TBC1D14: variants seen among roughly 807,000 people sequenced by gnomAD.
TBC1D14 encodes TBC1 domain family member 14.
Under a neutral mutation model 79.0 loss-of-function variants are expected in TBC1D14, and 26 were observed. The observed-to-expected ratio is 0.33, with a 90% confidence interval of 0.24 to 0.46. The LOEUF (loss-of-function observed/expected upper bound fraction) is 0.46, where lower values mean the gene tolerates loss of function less well. Among genes scored for constraint, TBC1D14 ranks in the 20% least tolerant of loss-of-function variants. The pLI is 1.00. For synonymous variants in TBC1D14, 394 were observed against 349.9 expected (o/e 1.13, Z -1.40); for missense variants, 769 against 887.6 (o/e 0.87, Z 1.70).
At chr4:6,969,457 G>C (rs939369790) in intron 3 of TBC1D14, among the ~76,000 whole-genome samples, 1 of 151,768 alleles carries the variant, frequency 6.6e-6, no homozygotes, top group Admixed American at 6.6e-5. Flanking sequence ...CCAGGCTGGA[G>C]TGCAGTGGTG....
chr4:6,962,480 G>A (rs570749133), intron 2 of TBC1D14, among the ~76,000 whole-genome samples: 5 of 152,282 alleles, frequency 3.3e-5, no homozygotes, highest in African/African-American at 1.2e-4. Context: ...GAGACAGCTT[G>A]GAGGCCAACA....
chr4:7,012,187 A>T (rs1720847038), intron 11 of TBC1D14, among the ~76,000 whole-genome samples: 1 of 151,900 alleles, frequency 6.6e-6, no homozygotes, highest in South Asian at 2.1e-4. Context: ...CTGTAGTCCC[A>T]GCTAGTCGGG....
chr4:7,021,562 A>C (rs1721837581), intron 12 of TBC1D14, among the ~76,000 whole-genome samples: 1 of 152,108 alleles, frequency 6.6e-6, no homozygotes, highest in African/African-American at 2.4e-5. Flanking sequence ...GTGCAACTGC[A>C]CTCTGGCCTG....
intron 3 of TBC1D14, among the ~76,000 whole-genome samples, chr4:6,985,318 C>T (rs1404821236): frequency 2.0e-5 from 3 of 152,192 alleles, no homozygotes; most frequent in African/African-American, 7.2e-5. Flanking sequence ...AGGATCCAGT[C>T]AGGTTTGTGT....
At chr4:7,007,360 T>G (rs1720305386) in intron 9 of TBC1D14, among the ~76,000 whole-genome samples, 1 of 152,194 alleles carries the variant, frequency 6.6e-6, no homozygotes, top group Non-Finnish European at 1.5e-5. Context: ...TGTGGGGTCA[T>G]CTGAGCTGAA....
At chr4:6,960,735 C>G (rs1435139847) in intron 2 of TBC1D14, among the ~76,000 whole-genome samples, 1 of 152,220 alleles carries the variant, frequency 6.6e-6, no homozygotes, top group African/African-American at 2.4e-5. Context: ...CAGGCCCCAA[C>G]CTGTTGTCAG....
rs140661850 is a variant in TBC1D14, at chr4:6,990,604, C to G, written c.844-3580C>G. 2.2e-3 allele frequency among the ~76,000 whole-genome samples: 340 copies of G among 152,302 alleles called. 2 individuals carry two copies. The highest frequency in any genetic ancestry group is 7.5e-3 in the African/African-American group (310 of 41,566). ...ACCAAGAGACTTCAAAATTTGGTCC[C>G]ATGCAGAGATGGAACTTGGGAATGA... On this transcript the variant is annotated intron_variant, in intron 3 of 13. Transcript: ENST00000409757.
intron 1 of TBC1D14, chr4:6,910,442 T>C (rs956330213): frequency 6.6e-6 from 1 of 151,958 alleles, no homozygotes; most frequent in Non-Finnish European, 1.5e-5. Flanking sequence ...CGAAACCCCC[T>C]TTCATCTCGG....
chr4:6,953,514 C>T (rs1417014970), intron 2 of TBC1D14, among the ~76,000 whole-genome samples: 1 of 143,790 alleles, frequency 7.0e-6, no homozygotes, highest in Non-Finnish European at 1.5e-5. Context: ...GCCTGTAGTC[C>T]CAGCTACTCG....
At chr4:7,021,218 C>T (rs924671121) in intron 12 of TBC1D14, among the ~76,000 whole-genome samples, 1 of 152,230 alleles carries the variant, frequency 6.6e-6, no homozygotes, top group African/African-American at 2.4e-5. Flanking sequence ...TCCTCCCTCA[C>T]GTATCACGGG....
chr4:6,922,543 G>A (rs1723949881), intron 1 of TBC1D14, among the ~76,000 whole-genome samples: 1 of 152,178 alleles, frequency 6.6e-6, no homozygotes, highest in African/African-American at 2.4e-5. Flanking sequence ...GTAGATGTGA[G>A]TAAGCGTGAC....
intron 2 of TBC1D14, among the ~76,000 whole-genome samples, chr4:6,936,998 A>G (rs1010604151): frequency 4.6e-5 from 7 of 151,110 alleles, no homozygotes; most frequent in African/African-American, 1.5e-4. Flanking sequence ...GCTCACCGCA[A>G]CCTCCGCCTT....
chr4:7,019,825 ACC>A, intron 12 of TBC1D14, among the ~76,000 whole-genome samples: 1 of 74,916 alleles, frequency 1.3e-5, no homozygotes, highest in Non-Finnish European at 2.4e-5. Flanking sequence ...GTTAGGGAGG[ACC>A]CTGGGGCACA....
intron 4 of TBC1D14, among the ~76,000 whole-genome samples, chr4:6,994,998 C>T (rs144367070): frequency 0.012 from 1,844 of 152,196 alleles, 17 homozygotes; most frequent in Middle Eastern, 0.038. Flanking sequence ...GAAGTCCAGT[C>T]GTTTTCATGC....
intron 2 of TBC1D14, among the ~76,000 whole-genome samples, chr4:6,964,131 C>T (rs1715490350): frequency 9.4e-6 from 1 of 106,396 alleles, no homozygotes; most frequent in Admixed American, 1.0e-4. Context: ...TTTATCTGCA[C>T]TACCTTTGTA....
intron 2 of TBC1D14, among the ~76,000 whole-genome samples, chr4:6,947,225 C>T (rs1028812459): frequency 9.2e-5 from 14 of 151,994 alleles, no homozygotes; most frequent in African/African-American, 3.1e-4. Flanking sequence ...AGGGCAGGCG[C>T]GGTGGCTCAA....
At chr4:6,912,566 GGA>G (rs1483713012) in intron 1 of TBC1D14, among the ~76,000 whole-genome samples, 3 of 152,106 alleles carry the variant, frequency 2.0e-5, no homozygotes, top group East Asian at 3.9e-4. Context: ...GCAGGTGTGA[GGA>G]GAGAGACTGG....
At chr4:7,027,044 C>G (rs1722448294) in intron 13 of TBC1D14, among the ~76,000 whole-genome samples, 3 of 152,124 alleles carry the variant, frequency 2.0e-5, no homozygotes, top group Non-Finnish European at 4.4e-5. Flanking sequence ...AAACCCATCT[C>G]TACTAAAAAT....
In TBC1D14 at chr4:6,971,405, A is replaced by G. The variant is rs926548942; in HGVS notation, c.843+3981A>G. On this transcript the variant is annotated intron_variant, in intron 3 of 13. Coordinates refer to ENST00000409757, the MANE Select transcript of TBC1D14 (RefSeq NM_020773.3). ...TGTTGATCCCATATGTGGTTTGCCCAGGACATTTGCCCAGTACATCGGATT... is the reference window on the plus strand; with the variant it reads ...TGTTGATCCCATATGTGGTTTGCCCGGGACATTTGCCCAGTACATCGGATT... 9.8e-5 allele frequency among the ~76,000 whole-genome samples: 15 copies of G among 152,362 alleles called. 1 individual carries two copies. The East Asian group carries it at 2.9e-3, about 29-fold the overall frequency.
Sources: gnomAD v4.1 joint callset for allele counts (sites outside exome capture counted in the v4.1 genomes callset) on GRCh38, gnomAD v4.1.1 for gene constraint, MANE v1.5 for transcripts, NCBI Gene and HGNC (gene_info 2026-07-23, HGNC 2026-07-21) for gene names.